NIN: variants seen among roughly 807,000 people sequenced by gnomAD.
NIN encodes the protein ninein, also known as glycogen synthase kinase 3 beta-interacting protein.
NIN carries 137 observed loss-of-function variants against 257.6 expected under a neutral mutation model. The observed-to-expected ratio is 0.53, with a 90% confidence interval of 0.46 to 0.61. The LOEUF is 0.61. NIN is among the 20% of genes least tolerant of loss of function. The pLI, the probability that NIN is intolerant of heterozygous loss-of-function variation, is 0.00. For missense variants in NIN, 2,439 were observed against 2,501.2 expected (o/e 0.98, Z 0.53); for synonymous variants, 918 against 919.8 (o/e 1.00, Z 0.04).
chr14:50,767,174 G>C (rs1166537273), intron 12 of NIN, among the ~76,000 whole-genome samples: 1 of 152,172 alleles, frequency 6.6e-6, no homozygotes. Flanking sequence ...AGTGTGTCTA[G>C]TACAAACTGT....
At position 50,722,891 on chromosome 14, in the gene NIN, G is replaced by A. The variant is rs1306416832; in HGVS notation, c.*572C>T. On this transcript the variant is annotated 3_prime_UTR_variant, in exon 31 of 31. Transcript: ENST00000530997. ...GGTAATACTGTCACAGGTGTTAGAA[G>A]GTTAGAATTCTACAGATTTGGGTTT... 1 of 213,792 alleles carries A rather than the reference G, an allele frequency of 4.7e-6. No homozygotes were observed. The highest frequency in any genetic ancestry group is 2.3e-5 in the African/African-American group (1 of 44,272). 13.2% of individuals were successfully genotyped at this position (213,792 alleles called of 1,614,324 possible).
intron 3 of NIN, among the ~76,000 whole-genome samples, chr14:50,808,206 C>T (rs1003601068): frequency 3.9e-5 from 6 of 151,996 alleles, no homozygotes; most frequent in Admixed American, 1.3e-4. Flanking sequence ...GAAAGGTAGG[C>T]TATGTTAATT....
At chr14:50,756,157 T>TAA (rs34167631) in intron 18 of NIN, among the ~76,000 whole-genome samples, 3,753 of 147,624 alleles carry the variant, frequency 0.025, 77 homozygotes, top group African/African-American at 0.056. Flanking sequence ...CTTAGCAAAA[T>TAA]AAAAAAAAAA....
At chr14:50,741,462 T>C in intron 25 of NIN, 120 bp downstream of exon 25, 1 of 757,568 alleles carries the variant, frequency 1.3e-6, no homozygotes, top group Non-Finnish European at 2.1e-6. Flanking sequence ...CAAACACAGA[T>C]ACATAAAATA....
At chr14:50,762,006 A>AT in intron 15 of NIN, 95 bp from the exon 16 acceptor site, 1 of 1,315,402 alleles carries the variant, frequency 7.6e-7, no homozygotes, top group Admixed American at 1.9e-5. Context: ...CTAAGGAATG[A>AT]TTTTCAGCCT....
At chr14:50,816,432 T>C (rs991506990) in intron 3 of NIN, among the ~76,000 whole-genome samples, 1 of 152,234 alleles carries the variant, frequency 6.6e-6, no homozygotes, top group Non-Finnish European at 1.5e-5. Flanking sequence ...TCAAAGCCCG[T>C]GCTCTAACTG....
chr14:50,794,481 G>T (rs185930399), intron 4 of NIN: 12 of 999,632 alleles, frequency 1.2e-5, no homozygotes, highest in Non-Finnish European at 1.4e-5. Flanking sequence ...TTCAGGAGCG[G>T]CCCAGACACC....
At chr14:50,742,978 T>C (rs958508077) in intron 24 of NIN, among the ~76,000 whole-genome samples, 1 of 152,202 alleles carries the variant, frequency 6.6e-6, no homozygotes, top group African/African-American at 2.4e-5. Flanking sequence ...ACTTTTCTTT[T>C]TTTGAGATGG....
chr14:50,772,284 A>T lies in NIN; in HGVS notation c.981+17T>A. 1 of 1,564,156 alleles carries T rather than the reference A, an allele frequency of 6.4e-7. No homozygotes were observed. Among genetic ancestry groups the T allele is most frequent in the Non-Finnish European group, 8.7e-7 (1 of 1,147,286 alleles). On this transcript the variant is annotated intron_variant, in intron 9 of 30. Transcript: ENST00000530997. ...CCTTCTCCAGTTTGTCATTTTTCTC[A>T]ATTTTAGCTGCCACACCTTCAGGAT...
chr14:50,823,681 T>TA (rs1468169769), intron 2 of NIN, among the ~76,000 whole-genome samples: 1 of 152,164 alleles, frequency 6.6e-6, no homozygotes, highest in Non-Finnish European at 1.5e-5. Flanking sequence ...GGCCACTCAT[T>TA]AAAGTAAAGC....
Position 50,792,844 on chromosome 14 carries a change from A to G in NIN, c.303T>C (p.Gly101=), listed in dbSNP as rs1441301978. The stretch of plus-strand genomic sequence containing the variant: ...AGGACCTTCGTCCGTAACGCTTCCC[A>G]CCTCTAACATATTTGGGCTGAGCTT... The part of the protein sequence containing the change: ...SLEAQPKYVR[G]GKRYGRRSLP... The change falls in exon 5 of 31, where the codon GGT becomes GGC. Residue 101 remains glycine (G), a synonymous_variant. Transcript: ENST00000530997. 1 of 1,614,070 alleles carries G rather than the reference A, an allele frequency of 6.2e-7. No individual in the cohort carries two copies. Among genetic ancestry groups the G allele is most frequent in the Non-Finnish European group, 8.5e-7 (1 of 1,180,048 alleles).
intron 29 of NIN, among the ~76,000 whole-genome samples, chr14:50,726,974 T>C (rs1190455756): frequency 6.6e-6 from 1 of 152,026 alleles, no homozygotes; most frequent in Non-Finnish European, 1.5e-5. Flanking sequence ...AAACCCTAAA[T>C]CATGTAGTAA....
At chr14:50,744,212 G>A (rs1202082954) in intron 23 of NIN, 31 bp downstream of exon 23, 7 of 1,609,594 alleles carry the variant, frequency 4.3e-6, no homozygotes, top group Middle Eastern at 1.7e-4. Flanking sequence ...TATTGTATAC[G>A]ATGATGGTAA....
intron 4 of NIN, among the ~76,000 whole-genome samples, chr14:50,795,716 T>C (rs530574933): frequency 6.6e-6 from 1 of 152,354 alleles, no homozygotes; most frequent in African/African-American, 2.4e-5. Context: ...AACGAAATTA[T>C]TGACATCACA....
intron 3 of NIN, among the ~76,000 whole-genome samples, chr14:50,810,724 T>A (rs557385054): frequency 6.6e-6 from 1 of 151,454 alleles, no homozygotes; most frequent in South Asian, 2.1e-4. Flanking sequence ...TGCAGTGGCG[T>A]GTCTCGGCTC....
chr14:50,792,005 G>A (rs1463718255), intron 5 of NIN: 1 of 152,180 alleles, frequency 6.6e-6, no homozygotes, highest in Non-Finnish European at 1.5e-5. Flanking sequence ...TTCTATAAAT[G>A]GGATGCTGGT....
intron 2 of NIN, among the ~76,000 whole-genome samples, chr14:50,826,314 C>T (rs1225825466): frequency 1.3e-5 from 2 of 152,132 alleles, no homozygotes; most frequent in South Asian, 2.1e-4. Context: ...ATGACTCTTT[C>T]GGAATGAAAG....
At chr14:50,763,187 C>T (rs1048954274) in intron 15 of NIN, among the ~76,000 whole-genome samples, 1 of 152,038 alleles carries the variant, frequency 6.6e-6, no homozygotes, top group African/African-American at 2.4e-5. Flanking sequence ...TGATTATGAG[C>T]TGTCTCTGAA....
At chr14:50,804,279 G>A (rs1331659618) in intron 4 of NIN, among the ~76,000 whole-genome samples, 4 of 152,002 alleles carry the variant, frequency 2.6e-5, no homozygotes, top group African/African-American at 9.7e-5. Flanking sequence ...AGGGGCCAAG[G>A]AGAAATTGGC....
Sources: allele counts gnomAD v4.1 joint callset (sites outside exome capture counted in the v4.1 genomes callset), GRCh38; gene constraint gnomAD v4.1.1; transcripts MANE v1.5; gene names NCBI Gene and HGNC (gene_info 2026-07-23, HGNC 2026-07-21).